Variants in ZFAT observed in about 807,000 individuals in gnomAD.
ZFAT encodes zinc finger and AT-hook domain containing, also known as zinc finger protein ZFAT.
A neutral mutation model predicts 117.7 loss-of-function variants in ZFAT; 64 were observed. That is an observed-to-expected ratio of 0.54 (90% CI 0.44 to 0.67). The LOEUF is 0.67. Among genes scored for constraint, ZFAT ranks in the 30% least tolerant of loss-of-function variants. The pLI is 0.00. For synonymous variants in ZFAT, 679 were observed against 615.0 expected, an observed-to-expected ratio of 1.10 and a Z score of -1.54; for missense variants, 1,433 against 1,584.5, an observed-to-expected ratio of 0.90 and a Z score of 1.62.
At chr8:134,774,942 C>T in the ZFAT span, among the ~76,000 whole-genome samples, 1 of 152,024 alleles carries the variant, frequency 6.6e-6, no homozygotes, top group African/African-American at 2.4e-5. Flanking sequence ...GATGGTGAAA[C>T]CCCATCTCTA....
At chr8:134,791,994 A>G in the ZFAT span, 1 of 152,236 alleles carries the variant, frequency 6.6e-6, no homozygotes, top group Non-Finnish European at 1.5e-5. Flanking sequence ...AGCAGATCAA[A>G]TGAAAAAAAC....
At chr8:134,579,975 A>G (rs1198040456) in intron 10 of ZFAT, among the ~76,000 whole-genome samples, 9 of 146,944 alleles carry the variant, frequency 6.1e-5, no homozygotes, top group African/African-American at 2.3e-4. Flanking sequence ...AAAAAAAAAG[A>G]ACAATGCCCA....
At chr8:134,543,570 C>T (rs1421406788) in intron 11 of ZFAT, among the ~76,000 whole-genome samples, 2 of 152,240 alleles carry the variant, frequency 1.3e-5, no homozygotes, top group African/African-American at 2.4e-5. Flanking sequence ...CAGGCATCCA[C>T]TTCTGTCCTT....
the ZFAT span, among the ~76,000 whole-genome samples, chr8:134,743,564 T>C: frequency 6.6e-6 from 1 of 152,282 alleles, no homozygotes; most frequent in South Asian, 2.1e-4. Context: ...TACAACTTAT[T>C]GTTATCAGTG....
At chr8:134,741,378 G>T in the ZFAT span, among the ~76,000 whole-genome samples, 1 of 152,188 alleles carries the variant, frequency 6.6e-6, no homozygotes, top group African/African-American at 2.4e-5. Context: ...ACTTCTCGGA[G>T]TTGGGATTGT....
At chr8:134,652,081 C>T (rs1355219815) in intron 2 of ZFAT, among the ~76,000 whole-genome samples, 14 of 152,094 alleles carry the variant, frequency 9.2e-5, no homozygotes, top group Non-Finnish European at 1.5e-5. Context: ...ACTTCGGGAG[C>T]CTGAGGCAGG....
At chr8:134,657,784 C>A in intron 1 of ZFAT, 47 bp from the exon 2 acceptor site, 5 of 1,579,224 alleles carry the variant, frequency 3.2e-6, no homozygotes, top group South Asian at 2.3e-5. Context: ...TCCACATAAA[C>A]AATTATTACT....
chr8:134,509,224 C>G (rs1427907690), intron 15 of ZFAT, among the ~76,000 whole-genome samples: 2 of 152,176 alleles, frequency 1.3e-5, no homozygotes, highest in East Asian at 1.9e-4. Flanking sequence ...ACTGGGAAAT[C>G]CTCCTGGCTT....
intron 8 of ZFAT, among the ~76,000 whole-genome samples, chr8:134,589,862 A>C (rs1826331948): frequency 6.6e-6 from 1 of 152,212 alleles, no homozygotes; most frequent in Admixed American, 6.5e-5. Flanking sequence ...GAATATGAGA[A>C]TACCCGTGGT....
rs1330960170 is a variant in ZFAT, at chr8:134,637,528, G to T, written c.381C>A (p.Asn127Lys). The T allele has an allele frequency of 2.5e-6, 4 of 1,614,228 alleles. No individual in the cohort carries two copies. The highest frequency in any genetic ancestry group is 3.4e-6 in the Non-Finnish European group (4 of 1,180,026). Residue 127 changes from asparagine to lysine, a missense_variant, in exon 3 of 16, where the codon AAC (asparagine) becomes AAA (lysine). This residue lies in a region of ZFAT where 436 missense variants were observed against 482.0 expected (regional missense o/e 0.90). Transcript: ENST00000377838. ...ECSKCCRKFS[N>K]TRQLRKHICI... ...AGATGTGCTTCCGCAGCTGGCGCGTGTTGGAGAACTTCCGACAGCACTTGC... is the reference window on the plus strand; with the variant it reads ...AGATGTGCTTCCGCAGCTGGCGCGTTTTGGAGAACTTCCGACAGCACTTGC...
intron 3 of ZFAT, among the ~76,000 whole-genome samples, chr8:134,626,141 G>A (rs1829482701): frequency 6.6e-6 from 1 of 152,226 alleles, no homozygotes; most frequent in Non-Finnish European, 1.5e-5. Flanking sequence ...ACAATAAGCA[G>A]CAGTGGGAGA....
chr8:134,609,621 G>C (rs1828167254), intron 4 of ZFAT, among the ~76,000 whole-genome samples: 2 of 152,140 alleles, frequency 1.3e-5, no homozygotes, highest in South Asian at 4.1e-4. Context: ...TTAAAAGGCT[G>C]TAGCTGTCCT....
chr8:134,575,862 A>G (rs1184230554), intron 10 of ZFAT, among the ~76,000 whole-genome samples: 1 of 152,258 alleles, frequency 6.6e-6, no homozygotes, highest in East Asian at 1.9e-4. Flanking sequence ...GTGGTGATTT[A>G]TGCAGTGGCA....
At chr8:134,769,627 C>T in the ZFAT span, among the ~76,000 whole-genome samples, 1 of 152,066 alleles carries the variant, frequency 6.6e-6, no homozygotes, top group Non-Finnish European at 1.5e-5. Context: ...GGATGGTGGC[C>T]CTCTTCTCAC....
At chr8:134,537,324 T>C (rs1821913952) in intron 11 of ZFAT, among the ~76,000 whole-genome samples, 1 of 152,260 alleles carries the variant, frequency 6.6e-6, no homozygotes, top group African/African-American at 2.4e-5. Context: ...AGAGATGATT[T>C]GGTTTTCCAC....
chr8:134,760,512 A>G, the ZFAT span, among the ~76,000 whole-genome samples: 3 of 152,154 alleles, frequency 2.0e-5, no homozygotes, highest in Non-Finnish European at 4.4e-5. Context: ...CACCCAGAAG[A>G]CTAGATAAAA....
intron 3 of ZFAT, among the ~76,000 whole-genome samples, chr8:134,616,482 G>A (rs1213222819): frequency 1.3e-5 from 2 of 152,208 alleles, no homozygotes; most frequent in Non-Finnish European, 2.9e-5. Flanking sequence ...AAGTCATGCT[G>A]ATGATGCTTT....
intron 15 of ZFAT, among the ~76,000 whole-genome samples, chr8:134,508,546 CCCCAACAA>C (rs552936213): frequency 2.4e-4 from 36 of 152,308 alleles, no homozygotes; most frequent in Non-Finnish European, 4.9e-4. Flanking sequence ...CAGAGATCTT[CCCCAACAA>C]CCCTTTACAA....
chr8:134,490,714 G>A (rs535642196), intron 15 of ZFAT, among the ~76,000 whole-genome samples: 3 of 152,282 alleles, frequency 2.0e-5, no homozygotes, highest in African/African-American at 7.2e-5. Context: ...TCCTCAGGAT[G>A]GACACTGAAA....
Sources: allele counts gnomAD v4.1 joint callset (sites outside exome capture counted in the v4.1 genomes callset), GRCh38; gene constraint gnomAD v4.1.1; regional missense constraint gnomAD v4.1.1; transcripts MANE v1.5; gene names NCBI Gene and HGNC (gene_info 2026-07-23, HGNC 2026-07-21).